Variants in PRSS12 observed in about 807,000 individuals in gnomAD.
PRSS12 encodes the protein neurotrypsin.
PRSS12 carries 85 observed loss-of-function variants against 104.4 expected under a neutral mutation model. The observed-to-expected ratio is 0.81, with a 90% confidence interval of 0.68 to 0.98. The LOEUF is 0.98. PRSS12 is among the 50% of genes least tolerant of loss of function. The pLI is 0.00. For synonymous variants in PRSS12, 454 were observed against 425.2 expected (o/e 1.07, Z -0.83); for missense variants, 1,141 against 1,139.2 (o/e 1.00, Z -0.02).
intron 1 of PRSS12, among the ~76,000 whole-genome samples, chr4:118,338,900 T>C (rs561703358): frequency 2.6e-5 from 4 of 152,316 alleles, no homozygotes; most frequent in African/African-American, 9.6e-5. Flanking sequence ...CTGAAGATTA[T>C]GTCCATAATC....
At chr4:118,324,487 G>C (rs1453365150) in intron 4 of PRSS12, among the ~76,000 whole-genome samples, 1 of 152,026 alleles carries the variant, frequency 6.6e-6, no homozygotes, top group East Asian at 1.9e-4. Context: ...TGAGAAAGGG[G>C]AGCTGAAGTA....
intron 6 of PRSS12, among the ~76,000 whole-genome samples, 199 bp from the exon 7 acceptor site, chr4:118,313,596 G>A (rs534352511): frequency 2.6e-5 from 4 of 152,232 alleles, no homozygotes; most frequent in South Asian, 2.1e-4. Flanking sequence ...AAAAATGTTC[G>A]ATTATTTCAA....
At position 118,281,800 on chromosome 4, in the gene PRSS12, G is replaced by A; in HGVS notation, c.*136C>T. 1 of 694,762 alleles carries A rather than the reference G, an allele frequency of 1.4e-6. No homozygotes were observed. The highest frequency in any genetic ancestry group is 2.6e-6 in the Non-Finnish European group (1 of 379,040). 43.0% of individuals were successfully genotyped at this position (694,762 alleles called of 1,614,324 possible). On this transcript the variant is annotated 3_prime_UTR_variant, in exon 13 of 13. Coordinates refer to ENST00000296498, the MANE Select transcript of PRSS12 (RefSeq NM_003619.4). ...GTTCACAAATTTCTCAAAAGCAGCA[G>A]GGGGTACACAATTTTTTACCACAAC...
chr4:118,283,022 T>TG lies in PRSS12; in HGVS notation c.2128dup (p.Gln710ProfsTer15), dbSNP rs757141803. 43 of 1,614,074 alleles carry TG rather than the reference T, an allele frequency of 2.7e-5. No individual in the cohort carries two copies. Among genetic ancestry groups the TG allele is most frequent in the Non-Finnish European group, 3.3e-5 (39 of 1,180,048 alleles). The stretch of plus-strand genomic sequence containing the variant: ...ATACTCCCGATGAATCACAATCTGT[T>TG]GAACTCCAATTTCTTCCTCAAACTC... On this transcript the variant is annotated frameshift_variant, in exon 12 of 13. Transcript: ENST00000296498. LOFTEE classifies it high-confidence loss of function.
chr4:118,335,741 C>CTG, intron 2 of PRSS12, 90 bp from the exon 3 acceptor site: 1 of 1,180,198 alleles, frequency 8.5e-7, no homozygotes, highest in Admixed American at 1.7e-5. Flanking sequence ...TGGAAGAAAT[C>CTG]AACAAAGATG....
At chr4:118,348,640 T>C (rs1724413705) in intron 1 of PRSS12, among the ~76,000 whole-genome samples, 1 of 143,868 alleles carries the variant, frequency 7.0e-6, no homozygotes. Context: ...TGTATTCCCA[T>C]AGCCAGAATG....
intron 7 of PRSS12, among the ~76,000 whole-genome samples, chr4:118,310,386 T>C (rs1205808379): frequency 6.6e-6 from 1 of 152,236 alleles, no homozygotes; most frequent in Non-Finnish European, 1.5e-5. Context: ...ATAACTTGCA[T>C]GGCTTTGTAA....
rs377141460 is a variant in PRSS12 at position 118,319,739 on chromosome 4, G to A, written c.972-1183C>T. Among the ~76,000 whole-genome samples the A allele has an allele frequency of 2.6e-4, 40 of 152,154 alleles. 1 individual carries two copies. Among genetic ancestry groups the A allele is most frequent in the South Asian group, 1.9e-3 (9 of 4,824 alleles). ...GTTGCCCAGGCTGGAGTGCAGCAGC[G>A]TGATCATGGCTTAAGGCAGTCTTGA... is the stretch of plus-strand genomic sequence containing the variant. On this transcript the variant is annotated intron_variant, in intron 4 of 12. Transcript: ENST00000296498.
Position 118,331,765 on chromosome 4 carries a change from G to A in PRSS12, c.922C>T (p.Gln308Ter). ...AGQWGTVCDD[Q>*]WDDADAEVIC... ...ACTTCTGCATCGGCATCATCCCATT[G>A]GTCATCACAAACGGTTCCCCACTGG... Residue 308 changes from glutamine (Q) to a stop codon, truncating the protein, a stop_gained, in exon 4 of 13, where the codon CAA becomes TAA. Coordinates refer to ENST00000296498, the MANE Select transcript of PRSS12 (RefSeq NM_003619.4). LOFTEE classifies it high-confidence loss of function. 1.2e-6 allele frequency: 2 copies of A among 1,614,132 alleles called. No homozygotes were observed. The highest frequency in any genetic ancestry group is 8.5e-7 in the Non-Finnish European group (1 of 1,180,022).
At chr4:118,302,969 T>C (rs1401596745) in intron 8 of PRSS12, among the ~76,000 whole-genome samples, 3 of 152,148 alleles carry the variant, frequency 2.0e-5, no homozygotes, top group Admixed American at 6.5e-5. Context: ...AAAAAATTAA[T>C]AGAATTTGGA....
intron 11 of PRSS12, among the ~76,000 whole-genome samples, chr4:118,283,603 T>C (rs1223761751): frequency 6.6e-6 from 1 of 152,224 alleles, no homozygotes; most frequent in Non-Finnish European, 1.5e-5. Context: ...ACCCAAACTA[T>C]ACTTTCAGAT....
At chr4:118,307,255 A>G (rs1187724002) in intron 8 of PRSS12, among the ~76,000 whole-genome samples, 1 of 152,208 alleles carries the variant, frequency 6.6e-6, no homozygotes, top group Non-Finnish European at 1.5e-5. Context: ...TGGAATTGCA[A>G]CTGGGTCCAA....
chr4:118,287,278 C>T (rs373774658), intron 11 of PRSS12, among the ~76,000 whole-genome samples: 3 of 152,026 alleles, frequency 2.0e-5, no homozygotes, highest in Non-Finnish European at 2.9e-5. Flanking sequence ...CTCAAGCAGC[C>T]GGGACCACAA....
At chr4:118,324,160 A>G (rs1003516388) in intron 4 of PRSS12, among the ~76,000 whole-genome samples, 1 of 152,058 alleles carries the variant, frequency 6.6e-6, no homozygotes, top group Non-Finnish European at 1.5e-5. Flanking sequence ...TCAGCCTCTC[A>G]AAGTGCTAGG....
intron 7 of PRSS12, among the ~76,000 whole-genome samples, chr4:118,309,317 T>A (rs767096586): frequency 2.6e-5 from 4 of 152,196 alleles, no homozygotes; most frequent in Non-Finnish European, 5.9e-5. Flanking sequence ...CTCCTCACTG[T>A]GACTTGCATG....
At chr4:118,289,043 C>G (rs922606436) in intron 11 of PRSS12, among the ~76,000 whole-genome samples, 1 of 152,030 alleles carries the variant, frequency 6.6e-6, no homozygotes, top group African/African-American at 2.4e-5. Flanking sequence ...CATAAAGCAC[C>G]CTTAAAGAGA....
At chr4:118,348,630 T>G (rs1223771169) in intron 1 of PRSS12, among the ~76,000 whole-genome samples, 1 of 151,326 alleles carries the variant, frequency 6.6e-6, no homozygotes. Flanking sequence ...GCTGATTCAG[T>G]GTATTCCCAT....
chr4:118,305,499 ATCT>A (rs1743524702), intron 8 of PRSS12, among the ~76,000 whole-genome samples: 1 of 152,052 alleles, frequency 6.6e-6, no homozygotes, highest in Non-Finnish European at 1.5e-5. Context: ...AATATAAAAA[ATCT>A]TCTTCAGTTT....
At chr4:118,339,877 T>C (rs1348596760) in intron 1 of PRSS12, among the ~76,000 whole-genome samples, 1 of 152,216 alleles carries the variant, frequency 6.6e-6, no homozygotes, top group Non-Finnish European at 1.5e-5. Context: ...AATTCATTTG[T>C]TGACCTCAAG....
Sources: gnomAD v4.1 joint callset for allele counts (sites outside exome capture counted in the v4.1 genomes callset) on GRCh38, gnomAD v4.1.1 for gene constraint, MANE v1.5 for transcripts, NCBI Gene and HGNC (gene_info 2026-07-23, HGNC 2026-07-21) for gene names.